The following NPC1 variants were observed in gnomAD, a reference collection of about 807,000 sequenced individuals.
NPC1 encodes Niemann-Pick C1 protein.
Under a neutral mutation model 140.4 loss-of-function variants are expected in NPC1, and 85 were observed. The observed-to-expected ratio is 0.61, with a 90% CI of 0.51 to 0.72. NPC1 has a LOEUF of 0.72. Ranked by LOEUF, NPC1 falls within the 30% of genes least tolerant of loss-of-function variation. The pLI is 0.00. For missense variants in NPC1, 1,504 were observed against 1,623.8 expected (o/e 0.93, Z 1.27); for synonymous variants, 656 against 624.8 (o/e 1.05, Z -0.74).
At chr18:23,530,695 T>G, downstream of NPC1, 1 of 1,327,632 alleles carries the variant, frequency 7.5e-7, no homozygotes. Flanking sequence ...GCGAGGACCC[T>G]GGGTTAGCAT....
At chr18:23,517,229 A>G (rs1335679718) in intron 3 of NPC1, among the ~76,000 whole-genome samples, 1 of 151,578 alleles carries the variant, frequency 6.6e-6, no homozygotes, top group Non-Finnish European at 1.5e-5. Flanking sequence ...GGCTCACTGC[A>G]ACCTCCGCCT....
chr18:23,520,112 A>G (rs1320144327), downstream of NPC1: 3 of 972,356 alleles, frequency 3.1e-6, no homozygotes, highest in Non-Finnish European at 3.3e-6. Context: ...AGGCTTTTAA[A>G]CTGATTTAAA....
chr18:23,573,701 G>A (rs1184113626), intron 1 of NPC1, 127 bp from the exon 2 acceptor site: 1 of 1,076,172 alleles, frequency 9.3e-7, no homozygotes, highest in East Asian at 2.5e-5. Flanking sequence ...AACAGCAACA[G>A]GCACTTAACA....
At chr18:23,573,791 C>A (rs763771160) in intron 1 of NPC1, among the ~76,000 whole-genome samples, 1 of 152,168 alleles carries the variant, frequency 6.6e-6, no homozygotes, top group Non-Finnish European at 1.5e-5. Flanking sequence ...TGCTTATTTA[C>A]ATAATTTCTA....
At chr18:23,509,737 T>A (rs2057801125) in intron 3 of NPC1, 1 of 152,142 alleles carries the variant, frequency 6.6e-6, no homozygotes, top group East Asian at 1.9e-4. Flanking sequence ...TAATTTTGTA[T>A]TTTTAGTAGA....
chr18:23,560,542 T>C, intron 5 of NPC1, 62 bp from the exon 6 acceptor site: 1 of 1,557,856 alleles, frequency 6.4e-7, no homozygotes, highest in South Asian at 1.1e-5. Context: ...TTTTGTATTA[T>C]ACTTAAACTC....
At chr18:23,537,356 T>C (rs1005282757) in intron 20 of NPC1, among the ~76,000 whole-genome samples, 2 of 152,186 alleles carry the variant, frequency 1.3e-5, no homozygotes, top group African/African-American at 4.8e-5. Context: ...GGATTACAGG[T>C]GTGAGCCACT....
rs35922440 is a variant in NPC1 at position 23,575,769 on chromosome 18, C to CAAAAAAAAAAAAAAAAAAAAA, written c.58-2216_58-2196dup. Among the ~76,000 whole-genome samples, 5 of 35,106 alleles carry CAAAAAAAAAAAAAAAAAAAAA rather than the reference C, an allele frequency of 1.4e-4. 1 individual carries two copies. The highest frequency in any genetic ancestry group is 2.4e-4 in the Non-Finnish European group (4 of 16,838). The allele number at this position is 35,106 out of a possible 152,430, so 23.0% of individuals were successfully genotyped here. A position where few individuals can be genotyped will look rare whatever the true frequency, so the allele number is the denominator to read the frequency against. On this transcript the variant is annotated intron_variant, in intron 1 of 24. Coordinates refer to ENST00000269228, the MANE Select transcript of NPC1 (RefSeq NM_000271.5). The stretch of plus-strand genomic sequence containing the variant: ...CTTCTAGAGACACAGCAGAGAAGAC[C>CAAAAAAAAAAAAAAAAAAAAA]AAAAAAAAAAAAAAAAAAAAAAAAA...
chr18:23,584,901 A>G (rs1339155742), intron 1 of NPC1, among the ~76,000 whole-genome samples: 1 of 152,134 alleles, frequency 6.6e-6, no homozygotes, highest in Non-Finnish European at 1.5e-5. Flanking sequence ...AAACTCTAGG[A>G]GGGGCCAGGA....
chr18:23,520,432 C>G, downstream of NPC1: 3 of 862,138 alleles, frequency 3.5e-6, no homozygotes, highest in Non-Finnish European at 5.3e-6. Flanking sequence ...ATTCCCAGAT[C>G]TGTCTGATTT....
At chr18:23,540,945 T>C (rs2058704392) in intron 16 of NPC1, 123 bp downstream of exon 16, 1 of 1,074,406 alleles carries the variant, frequency 9.3e-7, no homozygotes, top group South Asian at 1.4e-5. Context: ...TTGCTTTTGC[T>C]TTTTTTTTAG....
chr18:23,580,618 G>A (rs998873872), intron 1 of NPC1, among the ~76,000 whole-genome samples: 5 of 152,356 alleles, frequency 3.3e-5, no homozygotes, highest in Admixed American at 3.3e-4. Flanking sequence ...TCCTGGATGG[G>A]TAAAGCTAAT....
intron 2 of NPC1, 42 bp from the exon 3 acceptor site, chr18:23,572,222 T>TAA: frequency 7.4e-7 from 1 of 1,356,170 alleles, no homozygotes; most frequent in Admixed American, 1.7e-5. Context: ...AGGCAACAGT[T>TAA]AGAGTAAGGT....
At chr18:23,510,572 G>A (rs550919855) in intron 3 of NPC1, among the ~76,000 whole-genome samples, 4 of 152,090 alleles carry the variant, frequency 2.6e-5, no homozygotes, top group Non-Finnish European at 4.4e-5. Context: ...GCTTGAACCT[G>A]GAAGGCGGAG....
At chr18:23,522,358 A>G (rs778821351) in exon 2 of NPC1, 5 of 152,224 alleles carry the variant, frequency 3.3e-5, no homozygotes, top group Admixed American at 3.3e-4. Context: ...GGGGAAAAAA[A>G]CTAAACATTT....
At chr18:23,570,210 C>T (rs1423957748) in intron 3 of NPC1, among the ~76,000 whole-genome samples, 1 of 152,194 alleles carries the variant, frequency 6.6e-6, no homozygotes, top group Admixed American at 6.5e-5. Context: ...ATTTAATGCC[C>T]ACAATCACTA....
intron 11 of NPC1, among the ~76,000 whole-genome samples, chr18:23,546,109 C>T (rs1395737333): frequency 1.3e-5 from 2 of 151,766 alleles, no homozygotes; most frequent in Non-Finnish European, 2.9e-5. Flanking sequence ...ATTAGCCAGG[C>T]GTGGTGGAAG....
intron 10 of NPC1, among the ~76,000 whole-genome samples, chr18:23,549,571 AG>A: frequency 6.6e-6 from 1 of 151,322 alleles, no homozygotes. Flanking sequence ...CCTGGGAGGC[AG>A]GGGTTGCAGT....
At chr18:23,568,482 T>C (rs1167942330) in intron 4 of NPC1, among the ~76,000 whole-genome samples, 2 of 152,244 alleles carry the variant, frequency 1.3e-5, no homozygotes, top group African/African-American at 4.8e-5. Context: ...TTAACAGTTC[T>C]ATCTTCTCAG....
Sources: allele counts gnomAD v4.1 joint callset (sites outside exome capture counted in the v4.1 genomes callset), GRCh38; gene constraint gnomAD v4.1.1; transcripts MANE v1.5; gene names NCBI Gene and HGNC (gene_info 2026-07-23, HGNC 2026-07-21).